The following ZSWIM5 variants were observed in gnomAD, a reference collection of about 807,000 sequenced individuals.
ZSWIM5 encodes zinc finger SWIM-type containing 5.
Under a neutral mutation model 119.6 loss-of-function variants are expected in ZSWIM5, and 55 were observed. The observed-to-expected ratio is 0.46, with a 90% CI of 0.37 to 0.58. The LOEUF (loss-of-function observed/expected upper bound fraction) is 0.58. Among genes scored for constraint, ZSWIM5 ranks in the 20% least tolerant of loss-of-function variants. ZSWIM5 has a pLI of 0.00. For synonymous variants in ZSWIM5, 537 were observed against 606.9 expected (o/e 0.88, Z 1.69); for missense variants, 1,193 against 1,512.8 (o/e 0.79, Z 3.51).
chr1:45,063,193 T>C (rs770448595), intron 2 of ZSWIM5, among the ~76,000 whole-genome samples: 8 of 152,240 alleles, frequency 5.3e-5, no homozygotes, highest in Non-Finnish European at 1.2e-4. Context: ...CCATGATGTA[T>C]ATGTACCATA....
intron 4 of ZSWIM5, among the ~76,000 whole-genome samples, chr1:45,055,116 G>A (rs1460415693): frequency 1.3e-5 from 2 of 152,154 alleles, no homozygotes; most frequent in Non-Finnish European, 1.5e-5. Context: ...TCAGCCTCCC[G>A]AGTAGCTGGG....
chr1:45,132,797 G>A (rs1297798479), intron 1 of ZSWIM5, among the ~76,000 whole-genome samples: 1 of 151,984 alleles, frequency 6.6e-6, no homozygotes, highest in Non-Finnish European at 1.5e-5. Context: ...AGTGTGTGAT[G>A]TTCCCCTTCC....
At chr1:45,065,005 A>G (rs1331075192) in intron 2 of ZSWIM5, among the ~76,000 whole-genome samples, 1 of 152,250 alleles carries the variant, frequency 6.6e-6, no homozygotes, top group Non-Finnish European at 1.5e-5. Context: ...TACAGAGAAT[A>G]TGGAATTAGT....
At chr1:45,157,018 T>A (rs1405404642) in intron 1 of ZSWIM5, among the ~76,000 whole-genome samples, 2 of 152,096 alleles carry the variant, frequency 1.3e-5, no homozygotes, top group Non-Finnish European at 2.9e-5. Context: ...CTTACCATTA[T>A]CCCAGAAAGT....
At chr1:45,059,159 A>G (rs946400809) in intron 3 of ZSWIM5, among the ~76,000 whole-genome samples, 1 of 152,216 alleles carries the variant, frequency 6.6e-6, no homozygotes, top group Non-Finnish European at 1.5e-5. Flanking sequence ...AGAAATGAAA[A>G]TATATGTCCA....
intron 1 of ZSWIM5, among the ~76,000 whole-genome samples, chr1:45,188,597 G>A (rs1470575891): frequency 2.0e-5 from 3 of 152,184 alleles, no homozygotes; most frequent in African/African-American, 2.4e-5. Flanking sequence ...AGTACATGAA[G>A]TATATCTCAC....
chr1:45,092,245 C>T lies in ZSWIM5; in HGVS notation c.596-4008G>A, dbSNP rs186621789. Among the ~76,000 whole-genome samples, 4 of 152,200 alleles carry T rather than the reference C, an allele frequency of 2.6e-5. No homozygotes were observed. In the East Asian group the frequency reaches 7.7e-4, roughly 29 times the overall value. On this transcript the variant is annotated intron_variant, in intron 1 of 13. Transcript: ENST00000359600. ...TATGCATTAACACACTTAATTGTCACAGTTTTATGAATTTGATAGTAGGTG... is the reference window on the plus strand; with the variant it reads ...TATGCATTAACACACTTAATTGTCATAGTTTTATGAATTTGATAGTAGGTG...
intron 1 of ZSWIM5, among the ~76,000 whole-genome samples, chr1:45,153,286 C>T (rs1645808764): frequency 6.6e-6 from 1 of 151,608 alleles, no homozygotes; most frequent in African/African-American, 2.4e-5. Flanking sequence ...CTTTGGGAGG[C>T]CGAGGTGGGC....
chr1:45,132,145 C>A (rs1267546167), intron 1 of ZSWIM5, among the ~76,000 whole-genome samples: 1 of 150,670 alleles, frequency 6.6e-6, no homozygotes, highest in Non-Finnish European at 1.5e-5. Flanking sequence ...AATTGAATAT[C>A]ACTATATATT....
intron 1 of ZSWIM5, among the ~76,000 whole-genome samples, chr1:45,106,741 C>T (rs944473361): frequency 1.3e-5 from 2 of 152,066 alleles, no homozygotes; most frequent in Non-Finnish European, 2.9e-5. Flanking sequence ...AAGAATGGGC[C>T]ATGATGACTA....
chr1:45,193,746 T>C (rs557761464), intron 1 of ZSWIM5, among the ~76,000 whole-genome samples: 75 of 152,246 alleles, frequency 4.9e-4, no homozygotes, highest in Non-Finnish European at 9.9e-4. Context: ...TAATAGTGAA[T>C]ATTTACATAG....
chr1:45,070,282 A>G, intron 2 of ZSWIM5: 4 of 1,460,080 alleles, frequency 2.7e-6, no homozygotes, highest in Non-Finnish European at 3.8e-6. Context: ...ATAACATCAT[A>G]AATTATTCCT....
intron 1 of ZSWIM5, among the ~76,000 whole-genome samples, chr1:45,132,615 T>C (rs975990847): frequency 6.6e-6 from 1 of 151,972 alleles, no homozygotes; most frequent in African/African-American, 2.4e-5. Context: ...TAATTTTTTT[T>C]CTTTTTTTTT....
intron 1 of ZSWIM5, among the ~76,000 whole-genome samples, chr1:45,165,864 T>C (rs1490843744): frequency 6.6e-6 from 1 of 152,102 alleles, no homozygotes; most frequent in Non-Finnish European, 1.5e-5. Flanking sequence ...CCAGATGGAT[T>C]CACAGCCGAA....
chr1:45,055,244 C>T (rs1348203361), intron 4 of ZSWIM5, among the ~76,000 whole-genome samples: 1 of 152,192 alleles, frequency 6.6e-6, no homozygotes, highest in Non-Finnish European at 1.5e-5. Flanking sequence ...CCTGCCTTGG[C>T]CTCCCAAAGT....
intron 1 of ZSWIM5, among the ~76,000 whole-genome samples, chr1:45,162,152 G>A (rs188112790): frequency 1.9e-4 from 29 of 152,302 alleles, no homozygotes; most frequent in Admixed American, 6.5e-4. Flanking sequence ...TCCCAGTTAT[G>A]TACAACAGAT....
chr1:45,048,938 T>A (rs958804245), intron 5 of ZSWIM5, among the ~76,000 whole-genome samples: 2 of 152,078 alleles, frequency 1.3e-5, no homozygotes, highest in African/African-American at 2.4e-5. Context: ...CTGGGCAACA[T>A]GACGAAACCC....
chr1:45,033,189 T>A (rs1644963313), intron 11 of ZSWIM5, among the ~76,000 whole-genome samples: 2 of 152,236 alleles, frequency 1.3e-5, no homozygotes, highest in South Asian at 4.1e-4. Context: ...TTAATTTGTA[T>A]TTCTAATGTG....
intron 1 of ZSWIM5, among the ~76,000 whole-genome samples, chr1:45,152,521 T>A (rs1645803613): frequency 1.3e-5 from 2 of 151,778 alleles, no homozygotes; most frequent in Admixed American, 6.6e-5. Flanking sequence ...CCCTATTCAA[T>A]AAATGGTGCT....
Sources: allele counts gnomAD v4.1 joint callset (sites outside exome capture counted in the v4.1 genomes callset), GRCh38; gene constraint gnomAD v4.1.1; transcripts MANE v1.5; gene names NCBI Gene and HGNC (gene_info 2026-07-23, HGNC 2026-07-21).